Variants in TBC1D22A observed in about 807,000 individuals in gnomAD.
The protein encoded by TBC1D22A is TBC1 domain family member 22A, also known as putative GTPase activator.
A neutral mutation model predicts 60.2 loss-of-function variants in TBC1D22A; 38 were observed. That is an observed-to-expected ratio of 0.63 (90% confidence interval 0.49 to 0.83). TBC1D22A has a LOEUF of 0.83. Among genes scored for constraint, TBC1D22A ranks in the 40% least tolerant of loss-of-function variants. The probability of loss-of-function intolerance (pLI) is 0.00; values close to 1 mark genes in which losing one functional copy is unlikely to be tolerated. For missense variants in TBC1D22A, 628 were observed against 701.0 expected, an observed-to-expected ratio of 0.90 and a Z score of 1.18; for synonymous variants, 302 against 281.7, an observed-to-expected ratio of 1.07 and a Z score of -0.72.
chr22:47,078,606 G>T lies in TBC1D22A; in HGVS notation c.1330-32902G>T, dbSNP rs149132392. ...CCGTGTCACAGGCCAGAGCTGTGGC[G>T]TGTAGTTGCTATCAGTGTGATTCTT... On this transcript the variant is annotated intron_variant, in intron 11 of 12. Transcript: ENST00000337137. Among the ~76,000 whole-genome samples the T allele has an allele frequency of 6.4e-4, 98 of 152,352 alleles. 3 individuals carry two copies. The South Asian group carries it at 0.02, about 31-fold the overall frequency.
At chr22:46,821,162 C>T (rs921105387) in intron 4 of TBC1D22A, among the ~76,000 whole-genome samples, 7 of 151,274 alleles carry the variant, frequency 4.6e-5, no homozygotes, top group East Asian at 1.9e-4. Context: ...GAATACAGCA[C>T]ACTGATGAGT....
chr22:47,106,363 G>A (rs940077976), intron 11 of TBC1D22A, among the ~76,000 whole-genome samples: 7 of 152,228 alleles, frequency 4.6e-5, no homozygotes, highest in East Asian at 3.9e-4. Context: ...CAAGGAAACC[G>A]CAAAACATCC....
intron 12 of TBC1D22A, among the ~76,000 whole-genome samples, chr22:47,152,781 G>A (rs1256739627): frequency 2.0e-5 from 3 of 152,204 alleles, no homozygotes; most frequent in Non-Finnish European, 4.4e-5. Flanking sequence ...AGCATCGGCC[G>A]TGGCGGCAGA....
chr22:47,142,279 C>G, intron 12 of TBC1D22A, among the ~76,000 whole-genome samples: 1 of 136,110 alleles, frequency 7.3e-6, no homozygotes, highest in Non-Finnish European at 1.6e-5. Flanking sequence ...CTCATCCACC[C>G]CATCCACCCA....
rs989183079 is a variant in TBC1D22A at position 47,009,541 on chromosome 22, C to T, written c.1201+11832C>T. 6.6e-6 allele frequency among the ~76,000 whole-genome samples: 1 copy of T among 151,384 alleles called. No homozygotes were observed. The highest frequency in any genetic ancestry group is 1.5e-5 in the Non-Finnish European group (1 of 67,804). ...TTCACCATCACCATCATCATCATTG[C>T]CATCATCACCATCATTACGTCATCA... On this transcript the variant is annotated intron_variant, in intron 10 of 12. Transcript: ENST00000337137. This position sits in a 1 kb window ranked among gnomAD's most constrained non-coding sequence, Gnocchi z 5.8.
At chr22:46,924,222 G>A (rs528887988) in intron 8 of TBC1D22A, among the ~76,000 whole-genome samples, 45 of 152,340 alleles carry the variant, frequency 3.0e-4, no homozygotes, top group African/African-American at 1.1e-3. Context: ...CGGAGTGGCT[G>A]GATGTCTTGA....
intron 4 of TBC1D22A, among the ~76,000 whole-genome samples, chr22:46,864,478 C>T (rs747155092): frequency 3.9e-5 from 6 of 152,212 alleles, no homozygotes; most frequent in African/African-American, 9.7e-5. Context: ...CTGCCAAAGG[C>T]TGGAGAGGAA....
intron 8 of TBC1D22A, among the ~76,000 whole-genome samples, chr22:46,958,871 A>G (rs2073347692): frequency 6.6e-6 from 1 of 152,248 alleles, no homozygotes; most frequent in African/African-American, 2.4e-5. Context: ...CCTGAAACAG[A>G]GCAGCAGCCT....
intron 10 of TBC1D22A, among the ~76,000 whole-genome samples, chr22:47,015,559 G>A (rs1463829474): frequency 6.6e-6 from 1 of 152,246 alleles, no homozygotes; most frequent in Non-Finnish European, 1.5e-5. Flanking sequence ...AGCACAGAGA[G>A]CTCCAGAAGG....
At chr22:46,911,263 C>G (rs6007999) in intron 7 of TBC1D22A, among the ~76,000 whole-genome samples, 116,844 of 152,000 alleles carry the variant, frequency 0.77, 45,125 homozygotes, top group Middle Eastern at 0.85. Flanking sequence ...GCCTGGCCTG[C>G]GTGCCTGAAT....
At chr22:46,887,064 A>T (rs1401839556) in intron 5 of TBC1D22A, among the ~76,000 whole-genome samples, 1 of 152,218 alleles carries the variant, frequency 6.6e-6, no homozygotes, top group Admixed American at 6.5e-5. Flanking sequence ...TAGAGTGAAA[A>T]GGCAAGTCAC....
At chr22:47,068,926 T>G (rs1299703952) in intron 11 of TBC1D22A, among the ~76,000 whole-genome samples, 1 of 152,150 alleles carries the variant, frequency 6.6e-6, no homozygotes, top group Admixed American at 6.5e-5. Context: ...ATTCAAAAGG[T>G]GAAGGCGAGA....
chr22:47,026,422 A>G (rs559947454), intron 10 of TBC1D22A, among the ~76,000 whole-genome samples: 8 of 152,218 alleles, frequency 5.3e-5, no homozygotes, highest in Non-Finnish European at 1.2e-4. Flanking sequence ...TCGTACATAC[A>G]TAGAAATGTA....
chr22:46,812,281 C>T (rs1330533378), intron 4 of TBC1D22A, among the ~76,000 whole-genome samples: 5 of 152,222 alleles, frequency 3.3e-5, no homozygotes, highest in African/African-American at 4.8e-5. Flanking sequence ...CTGCCGCTGC[C>T]TCCTCCTGCC....
In TBC1D22A at chr22:46,793,849, G is replaced by A. The variant is rs751766734; in HGVS notation, c.460+8G>A. 6.5e-7 allele frequency: 1 copy of A among 1,547,980 alleles called. No homozygotes were observed. The highest frequency in any genetic ancestry group is 1.2e-5 in the South Asian group (1 of 82,830). ...ACACGTCCTGTCCTGCAGGTACGATGGGAGGACTGAAGAGATGGTCTGGGT... is the reference window on the plus strand; with the variant it reads ...ACACGTCCTGTCCTGCAGGTACGATAGGAGGACTGAAGAGATGGTCTGGGT... On this transcript the variant is annotated splice_region_variant and intron_variant, in intron 3 of 12. Transcript: ENST00000337137.
At chr22:46,858,386 A>G (rs1213541965) in intron 4 of TBC1D22A, among the ~76,000 whole-genome samples, 2 of 152,182 alleles carry the variant, frequency 1.3e-5, no homozygotes, top group East Asian at 3.9e-4. Context: ...GTTGGCTGCC[A>G]TGAGGACCGG....
At chr22:47,124,765 C>G (rs2066394073) in intron 12 of TBC1D22A, among the ~76,000 whole-genome samples, 1 of 151,970 alleles carries the variant, frequency 6.6e-6, no homozygotes, top group South Asian at 2.1e-4. Context: ...AGTGAGGGGC[C>G]CGCGGGGGAA....
chr22:47,044,214 G>A (rs1182978272), intron 11 of TBC1D22A, among the ~76,000 whole-genome samples: 1 of 152,188 alleles, frequency 6.6e-6, no homozygotes. Flanking sequence ...GTGCTATCCT[G>A]AGAGCCTCCC....
At chr22:46,817,351 G>T (rs772227315) in intron 4 of TBC1D22A, among the ~76,000 whole-genome samples, 8 of 151,984 alleles carry the variant, frequency 5.3e-5, no homozygotes, top group African/African-American at 9.7e-5. Context: ...TGCCATGGTG[G>T]TTTGCTGCAC....
Sources: gnomAD v4.1 joint callset for allele counts (sites outside exome capture counted in the v4.1 genomes callset) on GRCh38, gnomAD v4.1.1 for gene constraint, Gnocchi (gnomAD v3.1) non-coding constraint, MANE v1.5 for transcripts, NCBI Gene and HGNC (gene_info 2026-07-23, HGNC 2026-07-21) for gene names.